MRAP2: variants seen among roughly 807,000 people sequenced by gnomAD.
MRAP2 encodes melanocortin 2 receptor accessory protein 2, also known as melanocortin-2 receptor accessory protein 2.
A neutral mutation model predicts 17.4 loss-of-function variants in MRAP2; 20 were observed. The ratio of observed to expected loss-of-function variants is 1.15; its 90% CI spans 0.81 to 1.67. The LOEUF (loss-of-function observed/expected upper bound fraction) is 1.67, where lower values mean the gene tolerates loss of function less well. Among genes scored for constraint, MRAP2 ranks in the 40% most tolerant of loss-of-function variants. The pLI is 0.00. For synonymous variants in MRAP2, 96 were observed against 88.4 expected (o/e 1.09, Z -0.48); for missense variants, 238 against 240.0 (o/e 0.99, Z 0.05).
chr6:84,130,479 T>C, the MRAP2 span, among the ~76,000 whole-genome samples: 3 of 152,180 alleles, frequency 2.0e-5, no homozygotes, highest in Admixed American at 1.3e-4. Context: ...TGTGCACCCA[T>C]CCAGTCCTGG....
the MRAP2 span, among the ~76,000 whole-genome samples, chr6:84,106,019 A>G: frequency 6.6e-6 from 1 of 152,082 alleles, no homozygotes; most frequent in Admixed American, 6.5e-5. Flanking sequence ...CATATTAGAC[A>G]CTGATTCAGA....
chr6:84,056,702 A>G (rs2099491798), intron 2 of MRAP2, among the ~76,000 whole-genome samples: 1 of 152,202 alleles, frequency 6.6e-6, no homozygotes, highest in South Asian at 2.1e-4. Context: ...TATCAAAATG[A>G]CTGGGAAAAT....
chr6:84,127,830 AAT>A, the MRAP2 span, among the ~76,000 whole-genome samples: 1 of 152,166 alleles, frequency 6.6e-6, no homozygotes, highest in Non-Finnish European at 1.5e-5. Context: ...AGGGATGGCC[AAT>A]GACTAGTGAG....
At chr6:84,125,150 C>G in the MRAP2 span, 1 of 1,613,588 alleles carries the variant, frequency 6.2e-7, no homozygotes, top group African/African-American at 1.3e-5. Flanking sequence ...CGGAGAACAT[C>G]TAATATTGAG....
At chr6:84,079,493 T>C in intron 3 of MRAP2, among the ~76,000 whole-genome samples, 1 of 152,214 alleles carries the variant, frequency 6.6e-6, no homozygotes, top group Non-Finnish European at 1.5e-5. Flanking sequence ...TTAATTAAAA[T>C]TCATCATATT....
At chr6:84,091,678 C>T (rs2480198), downstream of MRAP2, among the ~76,000 whole-genome samples, 30,351 of 152,112 alleles carry the variant, frequency 0.2, 6,240 homozygotes, top group African/African-American at 0.53. Context: ...GATACTTAAA[C>T]GTCAGACAAA....
At chr6:84,112,403 A>G in the MRAP2 span, among the ~76,000 whole-genome samples, 1 of 152,282 alleles carries the variant, frequency 6.6e-6, no homozygotes, top group South Asian at 2.1e-4. Context: ...GGGTGTTTAT[A>G]GTATTCTTTG....
intron 3 of MRAP2, among the ~76,000 whole-genome samples, chr6:84,083,514 A>G (rs2099499523): frequency 1.3e-5 from 2 of 152,300 alleles, no homozygotes; most frequent in South Asian, 4.2e-4. Flanking sequence ...TTACAGAAAC[A>G]AATTTATTCT....
At chr6:84,110,389 T>G in the MRAP2 span, among the ~76,000 whole-genome samples, 4 of 152,266 alleles carry the variant, frequency 2.6e-5, no homozygotes. Flanking sequence ...AAATGTTTTC[T>G]TTTGAGAACT....
chr6:84,063,068 G>A (rs1233232965), intron 3 of MRAP2, 76 bp downstream of exon 3: 24 of 1,595,952 alleles, frequency 1.5e-5, no homozygotes, highest in African/African-American at 6.7e-5. Context: ...ACCCAGGGCC[G>A]GAGGTGCTTC....
Position 84,089,454 on chromosome 6 carries a change from C to A in MRAP2, c.591C>A (p.Ser197=), listed in dbSNP as rs751797978. The A allele has an allele frequency of 1.2e-5, 19 of 1,613,650 alleles. No homozygotes were observed. In the South Asian group the frequency reaches 2.0e-4, roughly 17 times the overall value. Residue 197 remains serine (S), a synonymous_variant, in exon 4 of 4, where the codon TCC becomes TCA. Coordinates refer to ENST00000257776, the MANE Select transcript of MRAP2 (RefSeq NM_138409.4). ...TTGTTCTGGAAACTAAGCCACTTTC[C>A]CAGACCTCACACAAAGACCTGGATT... The part of the protein sequence containing the change: ...PPIVLETKPL[S]QTSHKDLD
chr6:84,100,170 ATGT>A, the MRAP2 span, among the ~76,000 whole-genome samples: 8 of 152,056 alleles, frequency 5.3e-5, no homozygotes, highest in African/African-American at 1.2e-4. Flanking sequence ...AAGTCTTCTA[ATGT>A]TGTTCTTCCT....
the MRAP2 span, among the ~76,000 whole-genome samples, chr6:84,096,950 A>T: frequency 1.3e-5 from 2 of 152,210 alleles, no homozygotes; most frequent in Non-Finnish European, 2.9e-5. Flanking sequence ...AAACAATAAC[A>T]GGTGACATTT....
chr6:84,047,002 T>C (rs76418814), intron 1 of MRAP2, among the ~76,000 whole-genome samples: 16,277 of 151,654 alleles, frequency 0.11, 1,002 homozygotes, highest in Middle Eastern at 0.23. Flanking sequence ...AGAGCAAAGC[T>C]GGATCCTTGA....
chr6:84,125,200 A>G, the MRAP2 span: 11 of 1,613,504 alleles, frequency 6.8e-6, no homozygotes, highest in Admixed American at 3.3e-5. Flanking sequence ...ACGATTCTTT[A>G]ACTGTGCCAG....
intron 3 of MRAP2, among the ~76,000 whole-genome samples, chr6:84,078,127 A>T (rs2099498056): frequency 6.6e-6 from 1 of 152,230 alleles, no homozygotes; most frequent in Non-Finnish European, 1.5e-5. Flanking sequence ...CTAAACATAA[A>T]GGAAAAAAAT....
the MRAP2 span, among the ~76,000 whole-genome samples, chr6:84,117,405 T>C: frequency 6.6e-6 from 1 of 151,872 alleles, no homozygotes. Flanking sequence ...TAGGGAGGAG[T>C]ATCTCCTTTT....
intron 2 of MRAP2, among the ~76,000 whole-genome samples, chr6:84,058,562 C>T (rs1020210927): frequency 2.6e-5 from 4 of 151,766 alleles, no homozygotes; most frequent in South Asian, 2.1e-4. Context: ...GGAGAGGTGT[C>T]GGGGGAAGCC....
At chr6:84,054,352 C>T (rs544170231) in intron 1 of MRAP2, among the ~76,000 whole-genome samples, 9 of 152,260 alleles carry the variant, frequency 5.9e-5, no homozygotes, top group East Asian at 1.9e-4. Flanking sequence ...ATCCGTGCTG[C>T]GCAGTGCAAC....
Sources: gnomAD v4.1 joint callset for allele counts (sites outside exome capture counted in the v4.1 genomes callset) on GRCh38, gnomAD v4.1.1 for gene constraint, MANE v1.5 for transcripts, NCBI Gene and HGNC (gene_info 2026-07-23, HGNC 2026-07-21) for gene names.